Variants in AKAP9 observed in about 807,000 individuals in gnomAD.
The protein encoded by AKAP9 is A-kinase anchor protein 9.
Under a neutral mutation model 488.5 loss-of-function variants are expected in AKAP9, and 311 were observed. The observed-to-expected ratio is 0.64, with a 90% CI of 0.58 to 0.70. The LOEUF is 0.70. Among genes scored for constraint, AKAP9 ranks in the 30% least tolerant of loss-of-function variants. The pLI is 0.00. For synonymous variants in AKAP9, 1,462 were observed against 1,483.5 expected, an observed-to-expected ratio of 0.99 and a Z score of 0.33; for missense variants, 4,215 against 4,374.5, an observed-to-expected ratio of 0.96 and a Z score of 1.03.
At chr7:91,984,804 C>T (rs1314098421) in intron 3 of AKAP9, among the ~76,000 whole-genome samples, 3 of 152,056 alleles carry the variant, frequency 2.0e-5, no homozygotes, top group Admixed American at 6.6e-5. Context: ...TTTTTTATTT[C>T]GTTGAGCAGT....
At chr7:92,050,580 A>G (rs1807809281) in intron 21 of AKAP9, among the ~76,000 whole-genome samples, 1 of 152,106 alleles carries the variant, frequency 6.6e-6, no homozygotes. Flanking sequence ...CTGTTGGAAC[A>G]TCTCTCTCCT....
chr7:92,026,185 G>A (rs1236514298), intron 14 of AKAP9, among the ~76,000 whole-genome samples: 2 of 152,200 alleles, frequency 1.3e-5, no homozygotes, highest in Non-Finnish European at 2.9e-5. Flanking sequence ...ATCAACAGGG[G>A]TTGCAGATAG....
intron 14 of AKAP9, among the ~76,000 whole-genome samples, chr7:92,025,635 A>T (rs1563003018): frequency 6.6e-6 from 1 of 152,230 alleles, no homozygotes; most frequent in African/African-American, 2.4e-5. Context: ...TAAGGTTGGA[A>T]AGATCATGGG....
chr7:92,050,911 A>G (rs1413264923), intron 21 of AKAP9, among the ~76,000 whole-genome samples: 1 of 152,188 alleles, frequency 6.6e-6, no homozygotes, highest in Admixed American at 6.5e-5. Context: ...CTGGAAGCCC[A>G]GAGTCATCTT....
At chr7:92,074,790 C>T (rs1409622748) in intron 28 of AKAP9, among the ~76,000 whole-genome samples, 2 of 152,144 alleles carry the variant, frequency 1.3e-5, no homozygotes, top group African/African-American at 2.4e-5. Context: ...CATGTTCTCA[C>T]TCATAAGTGG....
In AKAP9 at chr7:92,062,287, C is replaced by T. The variant is rs10236397; in HGVS notation, c.5778C>T (p.Gly1926=). The stretch of plus-strand genomic sequence containing the variant: ...TTTGTATTATAGGCGTCATTGATGG[C>T]TATGCAGATGAAAAAACTCTTTTTG... The part of the protein sequence containing the change: ...ELSKAEGVID[G]YADEKTLFER... Residue 1926 remains glycine, a synonymous_variant, in exon 24 of 50, where the codon GGC becomes GGT. Transcript: ENST00000356239. 0.39 allele frequency: 621,166 copies of T among 1,607,738 alleles called. 122,499 individuals are homozygous for T. Among genetic ancestry groups the T allele is most frequent in the African/African-American group, 0.47 (34,914 of 74,718 alleles).
chr7:91,992,773 AGGTG>A, intron 4 of AKAP9, 108 bp from the exon 5 acceptor site: 1 of 983,526 alleles, frequency 1.0e-6, no homozygotes, highest in Non-Finnish European at 1.6e-6. Context: ...ATAATCTTCC[AGGTG>A]GTGAGTGATG....
At chr7:92,066,289 T>A (rs1810748830) in intron 25 of AKAP9, 138 bp from the exon 26 acceptor site, 2 of 1,087,874 alleles carry the variant, frequency 1.8e-6, no homozygotes, top group African/African-American at 1.6e-5. Context: ...TTAAAACTTT[T>A]GTGATTTGGG....
At chr7:92,066,569 C>T in intron 26 of AKAP9, 23 bp downstream of exon 26, 1 of 1,612,438 alleles carries the variant, frequency 6.2e-7, no homozygotes, top group Non-Finnish European at 8.5e-7. Context: ...CTGATATTGC[C>T]CAACTTACAG....
intron 3 of AKAP9, among the ~76,000 whole-genome samples, chr7:91,981,362 T>C (rs969084213): frequency 2.0e-5 from 3 of 151,988 alleles, no homozygotes; most frequent in Non-Finnish European, 4.4e-5. Flanking sequence ...AGAAAATATA[T>C]AACATTTAAA....
chr7:92,066,377 C>T (rs1048618713), intron 25 of AKAP9, 50 bp from the exon 26 acceptor site: 1 of 1,604,062 alleles, frequency 6.2e-7, no homozygotes, highest in African/African-American at 1.3e-5. Context: ...ATAATAGCTT[C>T]TCTAAATACT....
chr7:91,970,643 G>A (rs1178533243), intron 1 of AKAP9: 7 of 372,514 alleles, frequency 1.9e-5, no homozygotes, highest in South Asian at 4.3e-5. Flanking sequence ...CTTTGAACAT[G>A]TTGTCCCACA....
chr7:92,050,184 C>T (rs1476555192), intron 21 of AKAP9, among the ~76,000 whole-genome samples: 1 of 151,894 alleles, frequency 6.6e-6, no homozygotes. Flanking sequence ...CCTGCCTCAG[C>T]CTCCCAAGTA....
intron 1 of AKAP9, chr7:91,970,565 T>G: frequency 2.2e-6 from 1 of 446,220 alleles, no homozygotes; most frequent in South Asian, 1.6e-5. Flanking sequence ...TTTGTTCCTC[T>G]TCTTTGTATT....
At chr7:92,089,991 C>T (rs1357054201) in intron 38 of AKAP9, 1 of 162,780 alleles carries the variant, frequency 6.1e-6, no homozygotes, top group African/African-American at 2.4e-5. Flanking sequence ...AAACATCACC[C>T]ATGTGAATAT....
chr7:92,095,206 A>G, intron 40 of AKAP9, 33 bp downstream of exon 40: 1 of 1,612,596 alleles, frequency 6.2e-7, no homozygotes, highest in Non-Finnish European at 8.5e-7. Flanking sequence ...ATGTCTGGAA[A>G]ATCCAGAATG....
chr7:92,001,043 A>T lies in AKAP9; in HGVS notation c.1126A>T (p.Met376Leu). 6.3e-7 allele frequency: 1 copy of T among 1,597,258 alleles called. No individual in the cohort carries two copies. Among genetic ancestry groups the T allele is most frequent in the Non-Finnish European group, 8.5e-7 (1 of 1,172,770 alleles). ...IVQKNQEIKN[M>L]KLELTNSKQK... ...GCAAAAGAACCAAGAAATAAAAAAC[A>T]TGAAATTAGAGCTGACTAATTCTAA... Residue 376 changes from methionine to leucine, a missense_variant, in exon 8 of 50, where the codon ATG becomes TTG. Around this residue, in one of 5 missense-constraint regions of AKAP9, gnomAD observed 2,361 missense variants for 2,430.0 expected, o/e 0.97. Coordinates refer to ENST00000356239, the MANE Select transcript of AKAP9 (RefSeq NM_005751.5).
chr7:92,093,432 GT>G (rs1029044517), intron 39 of AKAP9, 116 bp downstream of exon 39: 30 of 881,982 alleles, frequency 3.4e-5, no homozygotes, highest in Middle Eastern at 2.6e-4. Flanking sequence ...GCATGCAACT[GT>G]TTTTTTTAGG....
chr7:92,053,014 ACT>A, intron 22 of AKAP9, 56 bp downstream of exon 22: 3 of 1,385,518 alleles, frequency 2.2e-6, no homozygotes, highest in Non-Finnish European at 3.1e-6. Context: ...ATACTATCCC[ACT>A]CTCTCGACTG....
Sources: allele counts gnomAD v4.1 joint callset (sites outside exome capture counted in the v4.1 genomes callset), GRCh38; gene constraint gnomAD v4.1.1; regional missense constraint gnomAD v4.1.1; transcripts MANE v1.5; gene names NCBI Gene and HGNC (gene_info 2026-07-23, HGNC 2026-07-21).